Variants in ODR4 observed in about 807,000 individuals in gnomAD.
ODR4 encodes protein odr-4 homolog.
ODR4 carries 47 observed loss-of-function variants against 60.2 expected under a neutral mutation model. The observed-to-expected ratio is 0.78, with a 90% confidence interval of 0.62 to 1.00. The LOEUF is 1.00. Ranked by LOEUF, ODR4 falls within the 50% of genes least tolerant of loss-of-function variation. ODR4 has a pLI of 0.00. For missense variants in ODR4, 488 were observed against 530.8 expected, an observed-to-expected ratio of 0.92 and a Z score of 0.79; for synonymous variants, 178 against 175.5, an observed-to-expected ratio of 1.01 and a Z score of -0.11.
chr1:186,386,955 C>G (rs1449941822), intron 4 of ODR4, among the ~76,000 whole-genome samples: 1 of 152,130 alleles, frequency 6.6e-6, no homozygotes, highest in Non-Finnish European at 1.5e-5. Context: ...TTCCCTTAAA[C>G]CCAAACCTAA....
chr1:186,393,985 T>C lies in ODR4; in HGVS notation c.750T>C (p.His250=). 1 of 1,522,622 alleles carries C rather than the reference T, an allele frequency of 6.6e-7. No individual in the cohort carries two copies. Among genetic ancestry groups the C allele is most frequent in the Non-Finnish European group, 8.9e-7 (1 of 1,124,354 alleles). 94.3% of individuals were successfully genotyped at this position (1,522,622 alleles called of 1,614,324 possible). A position where few individuals can be genotyped will look rare whatever the true frequency, so the allele number is the denominator to read the frequency against. Residue 250 remains histidine (H), a synonymous_variant, in exon 9 of 14, where the codon CAT becomes CAC. Coordinates refer to ENST00000287859, the MANE Select transcript of ODR4 (RefSeq NM_017847.6). ...GAGGAAATACTCAAGCAACTAGTCA[T>C]TCTTTTGATGTCAGAGTGCTAACGC... The part of the protein sequence containing the change: ...SSRGNTQATS[H]SFDVRVLTQL...
At chr1:186,405,950 C>A in intron 11 of ODR4, 133 bp from the exon 12 acceptor site, 1 of 645,884 alleles carries the variant, frequency 1.5e-6, no homozygotes, top group Non-Finnish European at 2.3e-6. Context: ...TGTGCCAGAT[C>A]AACCAGAAAA....
chr1:186,385,970 A>G lies in ODR4; in HGVS notation c.235-18A>G, dbSNP rs1660233909. The G allele has an allele frequency of 6.8e-7, 1 of 1,467,370 alleles. No individual in the cohort carries two copies. Among genetic ancestry groups the G allele is most frequent in the South Asian group, 1.2e-5 (1 of 84,712 alleles). 90.9% of individuals were successfully genotyped at this position (1,467,370 alleles called of 1,614,324 possible). On this transcript the variant is annotated intron_variant, in intron 3 of 13. Transcript: ENST00000287859. ...TATAATGCCAATTTGTTAGCTAATAATATATTTCTATTTTTAGGTATCCAG... is the reference window on the plus strand; with the variant it reads ...TATAATGCCAATTTGTTAGCTAATAGTATATTTCTATTTTTAGGTATCCAG...
In ODR4 at chr1:186,405,997, A is replaced by C. The variant is rs1661160063; in HGVS notation, c.1001-86A>C. ...TGACCTTTTAAGCTTTATTTCTATT[A>C]GTTTTTGTATGTACTTCTAAAATAT... On this transcript the variant is annotated intron_variant, in intron 11 of 13. Transcript: ENST00000287859. 6 of 920,510 alleles carry C rather than the reference A, an allele frequency of 6.5e-6. No homozygotes were observed. The South Asian group carries it at 1.8e-4, about 28-fold the overall frequency. 57.0% of individuals were successfully genotyped at this position (920,510 alleles called of 1,614,324 possible).
chr1:186,429,845 G>A, the ODR4 span, among the ~76,000 whole-genome samples: 5,324 of 152,236 alleles, frequency 0.035, 134 homozygotes, highest in Middle Eastern at 0.061. Flanking sequence ...AAATAATTAT[G>A]TTGGAAATAT....
chr1:186,411,489 A>G (rs1661380967), intron 12 of ODR4, among the ~76,000 whole-genome samples: 1 of 152,052 alleles, frequency 6.6e-6, no homozygotes, highest in Non-Finnish European at 1.5e-5. Context: ...TTTATCCATT[A>G]TTGTCAGATA....
intron 2 of ODR4, 100 bp from the exon 3 acceptor site, chr1:186,382,922 A>G: frequency 8.3e-7 from 1 of 1,206,352 alleles, no homozygotes; most frequent in Non-Finnish European, 1.1e-6. Flanking sequence ...AATATTACTC[A>G]GTTTTTGCAT....
chr1:186,407,497 G>C (rs1353889170), intron 12 of ODR4, among the ~76,000 whole-genome samples: 2 of 152,050 alleles, frequency 1.3e-5, no homozygotes, highest in Non-Finnish European at 2.9e-5. Context: ...TTGTTGAATA[G>C]ATCTTATAAT....
chr1:186,380,680 A>G (rs1366934307), intron 2 of ODR4, among the ~76,000 whole-genome samples: 1 of 151,874 alleles, frequency 6.6e-6, no homozygotes, highest in Non-Finnish European at 1.5e-5. Flanking sequence ...CCTACTAGCC[A>G]ATAAAGCTCT....
In ODR4 at chr1:186,388,454, GTGGAAAAGTCTATAAA is replaced by G; in HGVS notation, c.345_360del (p.Lys117ArgfsTer15). ...TTCTCTCTTTCAGCTAATGTTTGCT[GTGGAAAAGTCTATAAA>G]TAGAAAGAGATTGTGGAATTTCACA... On this transcript the variant is annotated frameshift_variant, in exon 5 of 14. Transcript: ENST00000287859. LOFTEE classifies it high-confidence loss of function. The G allele has an allele frequency of 1.9e-6, 3 of 1,541,148 alleles. No individual in the cohort carries two copies. The highest frequency in any genetic ancestry group is 2.6e-6 in the Non-Finnish European group (3 of 1,142,436).
chr1:186,398,897 T>C, intron 10 of ODR4, 57 bp from the exon 11 acceptor site: 1 of 1,259,510 alleles, frequency 7.9e-7, no homozygotes. Context: ...TAGTTAAATA[T>C]TGTAAATCTA....
chr1:186,399,315 C>T (rs1349172155), intron 11 of ODR4: 2 of 422,342 alleles, frequency 4.7e-6, no homozygotes, highest in Non-Finnish European at 4.4e-6. Flanking sequence ...AAGCAGTCCT[C>T]CTACCTCAGC....
At chr1:186,417,493 A>G (rs1661616785) in intron 12 of ODR4, 51 bp from the exon 13 acceptor site, 6 of 977,824 alleles carry the variant, frequency 6.1e-6, no homozygotes, top group South Asian at 3.0e-5. Context: ...GCTCAGTTTC[A>G]TGTGTTAATC....
At chr1:186,387,373 A>G (rs981602079) in intron 4 of ODR4, among the ~76,000 whole-genome samples, 2 of 152,204 alleles carry the variant, frequency 1.3e-5, no homozygotes, top group African/African-American at 2.4e-5. Context: ...TTTAATATTA[A>G]TAGCATTCAT....
At chr1:186,391,886 T>A in intron 8 of ODR4, 95 bp downstream of exon 8, 1 of 718,986 alleles carries the variant, frequency 1.4e-6, no homozygotes, top group Non-Finnish European at 2.4e-6. Flanking sequence ...GAAAACTGAT[T>A]TCATCTACCT....
the ODR4 span, among the ~76,000 whole-genome samples, chr1:186,431,547 G>A: frequency 6.6e-6 from 1 of 152,192 alleles, no homozygotes; most frequent in Non-Finnish European, 1.5e-5. Flanking sequence ...TAATTAGAAG[G>A]TCAATATTTG....
intron 13 of ODR4, among the ~76,000 whole-genome samples, chr1:186,418,289 C>CTTT (rs35821609): frequency 4.2e-4 from 46 of 110,262 alleles, no homozygotes; most frequent in Middle Eastern, 4.2e-3. Context: ...TTCTTTCTTT[C>CTTT]TTTTTTTTTT....
chr1:186,433,942 T>G, the ODR4 span, among the ~76,000 whole-genome samples: 2 of 152,180 alleles, frequency 1.3e-5, no homozygotes, highest in Non-Finnish European at 2.9e-5. Context: ...AATATCTACA[T>G]AGATACTAAT....
At chr1:186,383,761 A>AT (rs1660136040) in intron 3 of ODR4, among the ~76,000 whole-genome samples, 2 of 151,566 alleles carry the variant, frequency 1.3e-5, no homozygotes, top group Admixed American at 1.3e-4. Context: ...ATATTTAAAA[A>AT]AAAAATAAAA....
Sources: gnomAD v4.1 joint callset for allele counts (sites outside exome capture counted in the v4.1 genomes callset) on GRCh38, gnomAD v4.1.1 for gene constraint, MANE v1.5 for transcripts, NCBI Gene and HGNC (gene_info 2026-07-23, HGNC 2026-07-21) for gene names.